CCDC30: variants seen among roughly 807,000 people sequenced by gnomAD.
CCDC30 encodes the protein coiled-coil domain-containing protein 30.
Under a neutral mutation model 100.2 loss-of-function variants are expected in CCDC30, and 70 were observed. That is an observed-to-expected ratio of 0.70 (90% CI 0.58 to 0.85). CCDC30 has a LOEUF of 0.85. Ranked by LOEUF, CCDC30 falls within the 40% of genes least tolerant of loss-of-function variation. CCDC30 has a pLI of 0.00. For synonymous variants in CCDC30, 233 were observed against 269.5 expected, an observed-to-expected ratio of 0.86 and a Z score of 1.33; for missense variants, 652 against 771.2, an observed-to-expected ratio of 0.85 and a Z score of 1.83.
At chr1:42,565,889 T>C (rs1198454491) in intron 6 of CCDC30, among the ~76,000 whole-genome samples, 1 of 150,104 alleles carries the variant, frequency 6.7e-6, no homozygotes, top group Non-Finnish European at 1.5e-5. Flanking sequence ...AAATTTCCTC[T>C]TTCTTTTTGC....
intron 9 of CCDC30, among the ~76,000 whole-genome samples, chr1:42,587,090 C>T (rs1042450850): frequency 4.6e-5 from 7 of 152,264 alleles, no homozygotes; most frequent in African/African-American, 1.7e-4. Flanking sequence ...CTTGACCTCC[C>T]AGGCTCAAGC....
chr1:42,655,203 T>G (rs888913522), downstream of CCDC30, among the ~76,000 whole-genome samples: 2 of 152,160 alleles, frequency 1.3e-5, no homozygotes, highest in African/African-American at 4.8e-5. Flanking sequence ...ATGGGAAAAG[T>G]TTTAAATGTT....
chr1:42,653,376 G>T lies in CCDC30; in HGVS notation c.1855G>T (p.Glu619Ter). ...ACATTCATCCTTTCTTTCCTTTTAG[G>T]AAACAACAATTAGTGACATCCTTGA... is the stretch of plus-strand genomic sequence containing the variant. The change falls in exon 16 of 17, where the codon GAA (glutamate) becomes TAA (stop). Residue 619 changes from glutamate (E) to a stop codon, truncating the protein, a stop_gained and splice_region_variant. Transcript: ENST00000668663. LOFTEE classifies it high-confidence loss of function. 6.3e-7 allele frequency: 1 copy of T among 1,588,772 alleles called. No individual in the cohort carries two copies. The highest frequency in any genetic ancestry group is 8.6e-7 in the Non-Finnish European group (1 of 1,162,094).
chr1:42,544,675 C>T (rs1645086579), intron 6 of CCDC30, among the ~76,000 whole-genome samples: 2 of 152,114 alleles, frequency 1.3e-5, no homozygotes. Context: ...CCACCATGCC[C>T]AGCTAATTTT....
intron 1 of CCDC30, among the ~76,000 whole-genome samples, chr1:42,470,150 G>T (rs1304894773): frequency 6.6e-6 from 1 of 152,174 alleles, no homozygotes; most frequent in Non-Finnish European, 1.5e-5. Flanking sequence ...TTGGGTTTAG[G>T]CTTGAGGGGC....
At chr1:42,554,224 G>A (rs564079115) in intron 6 of CCDC30, among the ~76,000 whole-genome samples, 3 of 149,194 alleles carry the variant, frequency 2.0e-5, no homozygotes, top group South Asian at 2.1e-4. Context: ...TTTTATTGCA[G>A]TAAACTCATT....
chr1:42,525,493 T>G (rs1359117942), intron 6 of CCDC30, among the ~76,000 whole-genome samples: 1 of 152,182 alleles, frequency 6.6e-6, no homozygotes. Flanking sequence ...TTTGAATATC[T>G]TTTATCTTTT....
intron 8 of CCDC30, chr1:42,581,082 T>G (rs1446921377): frequency 5.3e-6 from 2 of 376,542 alleles, no homozygotes; most frequent in Non-Finnish European, 5.0e-6. Context: ...CTCAAGCGAT[T>G]CACCCAGCTC....
intron 10 of CCDC30, among the ~76,000 whole-genome samples, chr1:42,598,672 G>A (rs1484108289): frequency 6.6e-6 from 1 of 152,028 alleles, no homozygotes; most frequent in Non-Finnish European, 1.5e-5. Flanking sequence ...AGACATCAAT[G>A]GTTTAAATGT....
intron 15 of CCDC30, among the ~76,000 whole-genome samples, chr1:42,649,036 T>A (rs963111428): frequency 6.6e-6 from 1 of 152,132 alleles, no homozygotes; most frequent in Non-Finnish European, 1.5e-5. Flanking sequence ...TAATGAATCA[T>A]ATGATCAAAG....
At chr1:42,570,324 T>G (rs942041106) in intron 7 of CCDC30, among the ~76,000 whole-genome samples, 1 of 149,484 alleles carries the variant, frequency 6.7e-6, no homozygotes, top group Admixed American at 6.7e-5. Flanking sequence ...AGGCCCTGTC[T>G]CAAAAAAAAA....
chr1:42,490,183 AG>A lies in CCDC30; in HGVS notation c.196del (p.Glu66LysfsTer5). The A allele has an allele frequency of 8.3e-7, 1 of 1,206,678 alleles. No homozygotes were observed. Among genetic ancestry groups the A allele is most frequent in the Non-Finnish European group, 1.0e-6 (1 of 963,280 alleles). The allele number at this position is 1,206,678 out of a possible 1,614,324, so 74.7% of individuals were successfully genotyped here. ...ATTCTGCACTTAAGAAGGCTCAACTAGAAATTGACAAATTGAAGGAAAATTT... is the reference window on the plus strand; with the variant it reads ...ATTCTGCACTTAAGAAGGCTCAACTAAAATTGACAAATTGAAGGAAAATTT... On this transcript the variant is annotated frameshift_variant, in exon 4 of 17. Coordinates refer to ENST00000668663, the Ensembl canonical transcript of CCDC30. LOFTEE classifies it high-confidence loss of function.
intron 11 of CCDC30, among the ~76,000 whole-genome samples, chr1:42,629,617 A>G (rs1012102903): frequency 1.3e-5 from 2 of 149,492 alleles, no homozygotes; most frequent in Non-Finnish European, 3.0e-5. Flanking sequence ...TCCTACTCCT[A>G]TTTCTTTTTC....
chr1:42,637,605 C>T (rs948141869), intron 12 of CCDC30, among the ~76,000 whole-genome samples: 2 of 152,166 alleles, frequency 1.3e-5, no homozygotes, highest in Admixed American at 6.5e-5. Context: ...CTCTGTACTG[C>T]CAACTTATGA....
intron 6 of CCDC30, 107 bp downstream of exon 9, chr1:42,545,686 T>A: frequency 2.1e-6 from 2 of 962,700 alleles, no homozygotes; most frequent in Non-Finnish European, 3.0e-6. Flanking sequence ...GTGGCTTAAG[T>A]CTGTAATCCC....
the CCDC30 span, among the ~76,000 whole-genome samples, chr1:42,457,953 C>T: frequency 7.8e-5 from 9 of 116,002 alleles, no homozygotes; most frequent in Admixed American, 5.2e-4. Flanking sequence ...GATACTCCGT[C>T]GCAAAAAAAA....
intron 5 of CCDC30, 98 bp from the exon 6 acceptor site, chr1:42,498,720 A>G: frequency 2.0e-6 from 1 of 495,356 alleles, no homozygotes; most frequent in Non-Finnish European, 3.2e-6. Context: ...TTACAAGGAG[A>G]ATGTATTTAT....
At chr1:42,503,013 G>T (rs974683882) in intron 6 of CCDC30, among the ~76,000 whole-genome samples, 7 of 152,108 alleles carry the variant, frequency 4.6e-5, no homozygotes, top group African/African-American at 1.4e-4. Context: ...CTCCTGAGTA[G>T]CTAGGACTAT....
chr1:42,563,889 A>AT (rs1048352968), intron 6 of CCDC30, among the ~76,000 whole-genome samples: 1 of 152,032 alleles, frequency 6.6e-6, no homozygotes, highest in Non-Finnish European at 1.5e-5. Flanking sequence ...AAAAAAAAAA[A>AT]GTGAGGCTTC....
Sources: allele counts gnomAD v4.1 joint callset (sites outside exome capture counted in the v4.1 genomes callset), GRCh38; gene constraint gnomAD v4.1.1; transcripts MANE v1.5; gene names NCBI Gene and HGNC (gene_info 2026-07-23, HGNC 2026-07-21).